The following JAG2 variants were observed in gnomAD, a reference collection of about 807,000 sequenced individuals.
JAG2 encodes the protein protein jagged-2.
JAG2 carries 46 observed loss-of-function variants against 141.7 expected under a neutral mutation model. The observed-to-expected ratio is 0.32, with a 90% CI of 0.26 to 0.42. The LOEUF is 0.42. Ranked by LOEUF, JAG2 falls within the 10% of genes least tolerant of loss-of-function variation. JAG2 has a pLI of 1.00. For synonymous variants in JAG2, 862 were observed against 763.5 expected, an observed-to-expected ratio of 1.13 and a Z score of -2.13; for missense variants, 1,500 against 1,817.5, an observed-to-expected ratio of 0.83 and a Z score of 3.18.
Position 105,141,257 on chromosome 14 carries a change from G to A in JAG2, c.*1438C>T, listed in dbSNP as rs1055340185. On this transcript the variant is annotated 3_prime_UTR_variant, in exon 26 of 26. Transcript: ENST00000331782. ...ACGTTCCAGTTGGCTCAAGCAGTGA[G>A]GGGCAAAACCAGCTCCAGGGCCAGG... The A allele has an allele frequency of 6.6e-6, 1 of 152,148 alleles. No individual in the cohort carries two copies. The highest frequency in any genetic ancestry group is 2.4e-5 in the African/African-American group (1 of 41,414). 9.4% of individuals were successfully genotyped at this position (152,148 alleles called of 1,614,324 possible). A position where few individuals can be genotyped will look rare whatever the true frequency, so the allele number is the denominator to read the frequency against.
rs1888298878 is a variant in JAG2, at chr14:105,148,408, G to A, written c.2052C>T (p.His684=). ...CCAGGTCGTAGCAGCGGCCGCGGCTGTGGCAGGGATCGGGAAGGCAGTCGT... is the reference window on the plus strand; with the variant it reads ...CCAGGTCGTAGCAGCGGCCGCGGCTATGGCAGGGATCGGGAAGGCAGTCGT... ...NPNDCLPDPC[H]SRGRCYDLVN... is the part of the protein sequence containing the mutation. The change falls in exon 16 of 26, where the codon CAC becomes CAT. Residue 684 remains histidine, a synonymous_variant. Transcript: ENST00000331782. 6.2e-7 allele frequency: 1 copy of A among 1,612,002 alleles called. No homozygotes were observed. The highest frequency in any genetic ancestry group is 8.5e-7 in the Non-Finnish European group (1 of 1,179,536).
intron 1 of JAG2, 53 bp downstream of exon 1, chr14:105,168,302 G>T: frequency 1.4e-6 from 1 of 701,588 alleles, no homozygotes; most frequent in Non-Finnish European, 1.8e-6. Flanking sequence ...GCCCCTAGGG[G>T]CGGCCCGGTG....
chr14:105,155,870 C>A lies in JAG2; in HGVS notation c.595G>T (p.Asp199Tyr). Reference protein sequence around the residue: ...HLELQIRVRCDENYYSATCNK... With the variant: ...HLELQIRVRCYENYYSATCNK... ...CAAGTGGCGCTGTAGTAGTTCTCGTCGCAGCGCACGCGGATCTGCAGCTCC... is the reference window on the plus strand; with the variant it reads ...CAAGTGGCGCTGTAGTAGTTCTCGTAGCAGCGCACGCGGATCTGCAGCTCC... The change falls in exon 4 of 26, where the codon GAC becomes TAC. Residue 199 changes from aspartate to tyrosine, a missense_variant. This residue lies in a region of JAG2 where 875 missense variants were observed against 1,202.2 expected (regional missense o/e 0.73). Coordinates refer to ENST00000331782, the MANE Select transcript of JAG2 (RefSeq NM_002226.5). The A allele has an allele frequency of 6.2e-7, 1 of 1,612,208 alleles. No individual in the cohort carries two copies.
intron 2 of JAG2, among the ~76,000 whole-genome samples, chr14:105,161,281 G>A (rs1888739877): frequency 6.6e-6 from 1 of 152,026 alleles, no homozygotes; most frequent in African/African-American, 2.4e-5. Flanking sequence ...TGTAGCCGCT[G>A]GACAGGAACC....
At chr14:105,166,528 T>G (rs898522081) in intron 2 of JAG2, among the ~76,000 whole-genome samples, 2 of 152,176 alleles carry the variant, frequency 1.3e-5, no homozygotes, top group Non-Finnish European at 2.9e-5. Flanking sequence ...CAAGGGATAC[T>G]CGGCGGGGTG....
chr14:105,161,037 C>T (rs975825692), intron 2 of JAG2, among the ~76,000 whole-genome samples: 1 of 152,144 alleles, frequency 6.6e-6, no homozygotes, highest in African/African-American at 2.4e-5. Flanking sequence ...GACCCCACCA[C>T]GGACTTCCTT....
At chr14:105,165,643 T>C (rs929064756) in intron 2 of JAG2, among the ~76,000 whole-genome samples, 1 of 151,740 alleles carries the variant, frequency 6.6e-6, no homozygotes, top group African/African-American at 2.4e-5. Context: ...CAGGCCTGGG[T>C]CAACAGCAGA....
Position 105,168,424 on chromosome 14 carries a change from CCCCGCGACCCGCCCG to C in JAG2, c.-19_-5del. ...GCCCCCGGCCCTGCGCCCGCATTGC[CCCCGCGACCCGCCCG>C]CCCGGCCCCGCCGCCGCCGCCCGCG... On this transcript the variant is annotated 5_prime_UTR_variant, in exon 1 of 26. Transcript: ENST00000331782. 1 of 881,808 alleles carries C rather than the reference CCCCGCGACCCGCCCG, an allele frequency of 1.1e-6. No individual in the cohort carries two copies. Among genetic ancestry groups the C allele is most frequent in the Non-Finnish European group, 1.4e-6 (1 of 737,620 alleles). The allele number at this position is 881,808 out of a possible 1,614,324, so 54.6% of individuals were successfully genotyped here.
rs587649577 is a variant in JAG2, at chr14:105,167,427, C to A, written c.417+330G>T. 6.6e-5 allele frequency among the ~76,000 whole-genome samples: 10 copies of A among 152,066 alleles called. No individual in the cohort carries two copies. In the South Asian group the frequency reaches 2.1e-3, roughly 32 times the overall value. On this transcript the variant is annotated intron_variant, in intron 2 of 25. Coordinates refer to ENST00000331782, the MANE Select transcript of JAG2 (RefSeq NM_002226.5). This position sits in a 1 kb window ranked among gnomAD's most constrained non-coding sequence, Gnocchi z 4.8. ...TGCGCACATGCCACCGCGGCCTGCCCGGGACCGGGGCGCCTCGCCTCGCCT... is the reference window on the plus strand; with the variant it reads ...TGCGCACATGCCACCGCGGCCTGCCAGGGACCGGGGCGCCTCGCCTCGCCT...
intron 18 of JAG2, 39 bp from the exon 19 acceptor site, chr14:105,147,566 C>T (rs1484926472): frequency 1.3e-6 from 2 of 1,595,466 alleles, no homozygotes; most frequent in East Asian, 2.2e-5. Flanking sequence ...TCAGTACCCA[C>T]CCCCCAAGCG....
In JAG2 at chr14:105,142,616, A is replaced by G. The variant is rs1888090435; in HGVS notation, c.*79T>C. On this transcript the variant is annotated 3_prime_UTR_variant, in exon 26 of 26. Transcript: ENST00000331782. The stretch of plus-strand genomic sequence containing the variant: ...TACACAAAATAAAGAAACTATGCAC[A>G]TGGCCTCGGCCTCCGGGTCCGGCAG... 2 of 1,045,846 alleles carry G rather than the reference A, an allele frequency of 1.9e-6. No homozygotes were observed. The highest frequency in any genetic ancestry group is 3.2e-5 in the African/African-American group (2 of 61,872). The allele number at this position is 1,045,846 out of a possible 1,614,324, so 64.8% of individuals were successfully genotyped here. A position where few individuals can be genotyped will look rare whatever the true frequency, so the allele number is the denominator to read the frequency against.
At chr14:105,143,197 G>A (rs1353353798) in intron 25 of JAG2, 27 bp from the exon 26 acceptor site, 4 of 1,587,190 alleles carry the variant, frequency 2.5e-6, no homozygotes, top group Non-Finnish European at 3.4e-6. Context: ...AGAGCCGGTG[G>A]GCAATGAGGC....
intron 19 of JAG2, 25 bp downstream of exon 19, chr14:105,147,475 C>G: frequency 1.2e-6 from 2 of 1,608,496 alleles, no homozygotes; most frequent in Non-Finnish European, 1.7e-6. Context: ...CCCACCCCTG[C>G]TGTGGCCCCC....
At chr14:105,153,035 G>A (rs1285527247) in intron 5 of JAG2, among the ~76,000 whole-genome samples, 1 of 151,592 alleles carries the variant, frequency 6.6e-6, no homozygotes, top group Non-Finnish European at 1.5e-5. Flanking sequence ...TCCGTCAGGG[G>A]AGAGAGCCTG....
Position 105,167,556 on chromosome 14 carries a change from G to A in JAG2, c.417+201C>T, listed in dbSNP as rs1284807986. Among the ~76,000 whole-genome samples the A allele has an allele frequency of 1.4e-5, 2 of 146,916 alleles. No homozygotes were observed. Among genetic ancestry groups the A allele is most frequent in the African/African-American group, 4.9e-5 (2 of 40,818 alleles). ...CCCCCGCCGCGACCCCGCTCCCGGT[G>A]GCCCCGGGGCCCCGGCGCGCCCACG... On this transcript the variant is annotated intron_variant, in intron 2 of 25. Coordinates refer to ENST00000331782, the MANE Select transcript of JAG2 (RefSeq NM_002226.5). The surrounding 1 kb of genome is among the most constrained non-coding windows in gnomAD (Gnocchi z 4.8).
intron 3 of JAG2, among the ~76,000 whole-genome samples, chr14:105,157,137 A>G (rs996131670): frequency 2.6e-5 from 4 of 151,962 alleles, no homozygotes; most frequent in Non-Finnish European, 5.9e-5. Flanking sequence ...CCCACCCTCC[A>G]TAAGGCAGCC....
rs781641884 is a variant in JAG2, at chr14:105,167,740, G to A, written c.417+17C>T. On this transcript the variant is annotated intron_variant, in intron 2 of 25. Coordinates refer to ENST00000331782, the MANE Select transcript of JAG2 (RefSeq NM_002226.5). This position sits in a 1 kb window ranked among gnomAD's most constrained non-coding sequence, Gnocchi z 4.8. The stretch of plus-strand genomic sequence containing the variant: ...AGAGAGGGAAGGGCTGGAGCACGAG[G>A]GATGGAGCGCACGTACCGGCCAGGC... 4.8e-5 allele frequency: 70 copies of A among 1,447,928 alleles called. No homozygotes were observed. The East Asian group carries it at 1.6e-3, about 32-fold the overall frequency. The allele number at this position is 1,447,928 out of a possible 1,614,324, so 89.7% of individuals were successfully genotyped here. A position where few individuals can be genotyped will look rare whatever the true frequency, so the allele number is the denominator to read the frequency against.
intron 2 of JAG2, among the ~76,000 whole-genome samples, chr14:105,166,025 G>A (rs963088021): frequency 1.3e-5 from 2 of 152,238 alleles, no homozygotes; most frequent in African/African-American, 4.8e-5. Flanking sequence ...AGGAGACCAG[G>A]GCTGCCCCCA....
intron 25 of JAG2, 49 bp from the exon 26 acceptor site, chr14:105,143,219 CG>C (rs1566758082): frequency 6.4e-7 from 1 of 1,557,080 alleles, no homozygotes; most frequent in Admixed American, 1.8e-5. Context: ...TGGGCACCTG[CG>C]GGGCACTAGC....
Sources: gnomAD v4.1 joint callset for allele counts (sites outside exome capture counted in the v4.1 genomes callset) on GRCh38, gnomAD v4.1.1 for gene constraint, gnomAD v4.1.1 regional missense constraint, Gnocchi (gnomAD v3.1) non-coding constraint, MANE v1.5 for transcripts, NCBI Gene and HGNC (gene_info 2026-07-23, HGNC 2026-07-21) for gene names.